LSM8: variants seen among roughly 807,000 people sequenced by gnomAD.
The protein encoded by LSM8 is LSM8 U6 small nuclear RNA associated.
LSM8 carries 14 observed loss-of-function variants against 15.0 expected under a neutral mutation model. The observed-to-expected ratio is 0.93, with a 90% CI of 0.62 to 1.46. LSM8 has a LOEUF of 1.46. Ranked by LOEUF, LSM8 falls within the 40% of genes most tolerant of loss-of-function variation. LSM8 has a pLI of 0.00. For synonymous variants in LSM8, 50 were observed against 42.1 expected (o/e 1.19, Z -0.73); for missense variants, 90 against 115.4 (o/e 0.78, Z 1.01).
chr7:118,194,021 T>A lies in LSM8; in HGVS notation c.*2019T>A, dbSNP rs1809034040. ...GAGGATGTGATGACAATATGCCAGA[T>A]AATCTATGTAATTCTTTATTCCTGG... On this transcript the variant is annotated 3_prime_UTR_variant, in exon 4 of 4. Coordinates refer to ENST00000249299, the MANE Select transcript of LSM8 (RefSeq NM_016200.5). 6.6e-6 allele frequency among the ~76,000 whole-genome samples: 1 copy of A among 152,168 alleles called. No individual in the cohort carries two copies. Among genetic ancestry groups the A allele is most frequent in the African/African-American group, 2.4e-5 (1 of 41,456 alleles).
chr7:118,199,678 G>A lies in LSM8; in HGVS notation c.*7676G>A, dbSNP rs1809139829. On this transcript the variant is annotated 3_prime_UTR_variant, in exon 4 of 4. Transcript: ENST00000249299. ...GTTACCAAATGCCAGACACTGCTAA[G>A]TGCTGGGAACTTAGATGTAACCAAA... 6.6e-6 allele frequency among the ~76,000 whole-genome samples: 1 copy of A among 152,150 alleles called. No homozygotes were observed. Among genetic ancestry groups the A allele is most frequent in the Non-Finnish European group, 1.5e-5 (1 of 68,020 alleles).
chr7:118,190,714 C>T (rs983745800), intron 3 of LSM8: 6 of 152,136 alleles, frequency 3.9e-5, no homozygotes, highest in African/African-American at 1.4e-4. Flanking sequence ...AAACTTAATT[C>T]ATTCTGCCAG....
rs1202651849 is a variant in LSM8, at chr7:118,196,401, C to T, written c.*4399C>T. On this transcript the variant is annotated 3_prime_UTR_variant, in exon 4 of 4. Transcript: ENST00000249299. The stretch of plus-strand genomic sequence containing the variant: ...AATATAATTCAAGTCAATTATTTTC[C>T]CCATCTATTTTTTTTCTTTTAAGAT... Among the ~76,000 whole-genome samples the T allele has an allele frequency of 2.4e-5, 2 of 82,344 alleles. No individual in the cohort carries two copies. Among genetic ancestry groups the T allele is most frequent in the Non-Finnish European group, 4.8e-5 (2 of 41,352 alleles). The allele number at this position is 82,344 out of a possible 152,430, so 54.0% of individuals were successfully genotyped here.
intron 3 of LSM8, 194 bp from the exon 4 acceptor site, chr7:118,191,718 T>C: frequency 2.0e-6 from 1 of 509,466 alleles, no homozygotes; most frequent in Non-Finnish European, 3.5e-6. Flanking sequence ...ATTTCTTGAG[T>C]TTTGTGACTT....
At chr7:118,190,207 A>G (rs1471508728) in intron 3 of LSM8, 1 of 152,184 alleles carries the variant, frequency 6.6e-6, no homozygotes, top group East Asian at 1.9e-4. Flanking sequence ...AAAAATCAAG[A>G]GTTTATAAAA....
chr7:118,185,750 T>G, intron 2 of LSM8, 56 bp downstream of exon 2: 1 of 1,504,296 alleles, frequency 6.6e-7, no homozygotes, highest in Non-Finnish European at 9.2e-7. Context: ...GGTTGCAAGT[T>G]TTATGTGAAA....
In LSM8 at chr7:118,195,231, A is replaced by G. The variant is rs1584709002; in HGVS notation, c.*3229A>G. Among the ~76,000 whole-genome samples, 1 of 152,304 alleles carries G rather than the reference A, an allele frequency of 6.6e-6. No homozygotes were observed. Among genetic ancestry groups the G allele is most frequent in the East Asian group, 1.9e-4 (1 of 5,186 alleles). ...GCGAAGGAAAGTGGTGGAATTATTA[A>G]AAGACCTAGCACTTACCTGCTGGGA... On this transcript the variant is annotated 3_prime_UTR_variant, in exon 4 of 4. Transcript: ENST00000249299.
Position 118,193,458 on chromosome 7 carries a change from G to A in LSM8, c.*1456G>A, listed in dbSNP as rs1459616667. Among the ~76,000 whole-genome samples the A allele has an allele frequency of 3.3e-5, 5 of 151,960 alleles. No individual in the cohort carries two copies. Among genetic ancestry groups the A allele is most frequent in the African/African-American group, 1.2e-4 (5 of 41,392 alleles). On this transcript the variant is annotated 3_prime_UTR_variant, in exon 4 of 4. Coordinates refer to ENST00000249299, the MANE Select transcript of LSM8 (RefSeq NM_016200.5). ...TATTAAACATAATAGCTTTTTGGGGGAGGAAAATATCTTCACTCAAATCAG... is the reference window on the plus strand; with the variant it reads ...TATTAAACATAATAGCTTTTTGGGGAAGGAAAATATCTTCACTCAAATCAG...
chr7:118,197,997 A>G lies in LSM8; in HGVS notation c.*5995A>G, dbSNP rs1289389191. ...TCCAAATTATTTATTGTGGCCTAGG[A>G]AAAGTACTAAGAAGTAATTGATAGC... On this transcript the variant is annotated 3_prime_UTR_variant, in exon 4 of 4. Coordinates refer to ENST00000249299, the MANE Select transcript of LSM8 (RefSeq NM_016200.5). Among the ~76,000 whole-genome samples, 1 of 152,212 alleles carries G rather than the reference A, an allele frequency of 6.6e-6. No individual in the cohort carries two copies. Among genetic ancestry groups the G allele is most frequent in the Non-Finnish European group, 1.5e-5 (1 of 68,032 alleles).
At position 118,193,468 on chromosome 7, in the gene LSM8, T is replaced by C. The variant is rs1158867920; in HGVS notation, c.*1466T>C. Among the ~76,000 whole-genome samples the C allele has an allele frequency of 6.6e-6, 1 of 152,100 alleles. No individual in the cohort carries two copies. The highest frequency in any genetic ancestry group is 1.5e-5 in the Non-Finnish European group (1 of 67,974). On this transcript the variant is annotated 3_prime_UTR_variant, in exon 4 of 4. Transcript: ENST00000249299. Reference sequence around the variant, plus strand: ...AATAGCTTTTTGGGGGAGGAAAATATCTTCACTCAAATCAGCCTTATAAGG... The same window carrying C: ...AATAGCTTTTTGGGGGAGGAAAATACCTTCACTCAAATCAGCCTTATAAGG...
rs944306931 is a variant in LSM8 at position 118,194,587 on chromosome 7, G to A, written c.*2585G>A. Among the ~76,000 whole-genome samples the A allele has an allele frequency of 3.3e-5, 5 of 152,100 alleles. No individual in the cohort carries two copies. Among genetic ancestry groups the A allele is most frequent in the Admixed American group, 2.6e-4 (4 of 15,270 alleles). The stretch of plus-strand genomic sequence containing the variant: ...CCTTCGGAATTTTTAAGGTAATAAT[G>A]TGAGATATAAGTATGATAAAAACAA... On this transcript the variant is annotated 3_prime_UTR_variant, in exon 4 of 4. Transcript: ENST00000249299.
Position 118,188,414 on chromosome 7 carries a change from A to G in LSM8, c.200+9A>G. On this transcript the variant is annotated intron_variant, in intron 3 of 3. Transcript: ENST00000249299. ...GTAAGAGGTGACAACGTGTAAGTAAAATATATCTGTTAAAATTATAAATGA... is the reference window on the plus strand; with the variant it reads ...GTAAGAGGTGACAACGTGTAAGTAAGATATATCTGTTAAAATTATAAATGA... 1 of 1,604,224 alleles carries G rather than the reference A, an allele frequency of 6.2e-7. No homozygotes were observed. Among genetic ancestry groups the G allele is most frequent in the Non-Finnish European group, 8.5e-7 (1 of 1,174,802 alleles).
In LSM8 at chr7:118,195,109, A is replaced by G. The variant is rs563237955; in HGVS notation, c.*3107A>G. Reference sequence around the variant, plus strand: ...CAAACCTGCATTGTGGGCCGTTTTCATTACAATTACCTAAGGTGCTTTAAA... The same window carrying G: ...CAAACCTGCATTGTGGGCCGTTTTCGTTACAATTACCTAAGGTGCTTTAAA... On this transcript the variant is annotated 3_prime_UTR_variant, in exon 4 of 4. Coordinates refer to ENST00000249299, the MANE Select transcript of LSM8 (RefSeq NM_016200.5). 6.6e-6 allele frequency among the ~76,000 whole-genome samples: 1 copy of G among 152,312 alleles called. No individual in the cohort carries two copies. Among genetic ancestry groups the G allele is most frequent in the Non-Finnish European group, 1.5e-5 (1 of 68,020 alleles).
In LSM8 at chr7:118,199,849, A is replaced by G. The variant is rs1809143152; in HGVS notation, c.*7847A>G. ...ATAGGAGAGACATCTAAAGTTTAAT[A>G]GCAACACTAGGCTGGACTGAGTGGT... On this transcript the variant is annotated 3_prime_UTR_variant, in exon 4 of 4. Coordinates refer to ENST00000249299, the MANE Select transcript of LSM8 (RefSeq NM_016200.5). 6.6e-6 allele frequency among the ~76,000 whole-genome samples: 1 copy of G among 152,176 alleles called. No homozygotes were observed. The highest frequency in any genetic ancestry group is 2.4e-5 in the African/African-American group (1 of 41,456).
rs1402977102 is a variant in LSM8, at chr7:118,198,807, CTT to C, written c.*6806_*6807del. ...TTCACCAGTTCCTGGAAGAAAATCT[CTT>C]GAGTCCTTGGGATGTCTTACCTGTT... On this transcript the variant is annotated 3_prime_UTR_variant, in exon 4 of 4. Coordinates refer to ENST00000249299, the MANE Select transcript of LSM8 (RefSeq NM_016200.5). Among the ~76,000 whole-genome samples the C allele has an allele frequency of 6.6e-6, 1 of 152,188 alleles. No individual in the cohort carries two copies.
In LSM8 at chr7:118,191,962, G is replaced by T; in HGVS notation, c.251G>T (p.Gly84Val). 1 of 1,612,884 alleles carries T rather than the reference G, an allele frequency of 6.2e-7. No homozygotes were observed. Among genetic ancestry groups the T allele is most frequent in the Non-Finnish European group, 8.5e-7 (1 of 1,179,366 alleles). Residue 84 changes from glycine (G) to valine (V), a missense_variant, in exon 4 of 4, where the codon GGG (glycine) becomes GTG (valine). By Grantham distance (109) the Gly-to-Val change is moderately radical. Transcript: ENST00000249299. ...GAAACAGATTCTGCGCTTGATTTGG[G>T]GAATATTCGAGCAGAACCTTTAAAT... is the stretch of plus-strand genomic sequence containing the variant. ...DEETDSALDL[G>V]NIRAEPLNSV...
chr7:118,192,253 T>C lies in LSM8; in HGVS notation c.*251T>C. On this transcript the variant is annotated 3_prime_UTR_variant, in exon 4 of 4. Transcript: ENST00000249299. The stretch of plus-strand genomic sequence containing the variant: ...AAATATAATGGGCATTTTGAAAACT[T>C]TTAGAAAAAAGTAGTACTTTTTGAT... 1 of 301,898 alleles carries C rather than the reference T, an allele frequency of 3.3e-6. No individual in the cohort carries two copies. Among genetic ancestry groups the C allele is most frequent in the African/African-American group, 2.2e-5 (1 of 45,706 alleles). 18.7% of individuals were successfully genotyped at this position (301,898 alleles called of 1,614,324 possible).
chr7:118,184,167 T>C lies in LSM8; in HGVS notation c.-57T>C, dbSNP rs774249141. ...CGCTGCCGGGTTCTGGCGCGCCCTT[T>C]CAGTTCTGCTTGCTGTCGGCACCGC... On this transcript the variant is annotated 5_prime_UTR_variant, in exon 1 of 4. Coordinates refer to ENST00000249299, the MANE Select transcript of LSM8 (RefSeq NM_016200.5). 1.4e-4 allele frequency: 222 copies of C among 1,543,438 alleles called. No individual in the cohort carries two copies. Among genetic ancestry groups the C allele is most frequent in the Non-Finnish European group, 1.9e-4 (212 of 1,143,496 alleles).
rs1808995253 is a variant in LSM8, at chr7:118,192,233, T to C, written c.*231T>C. 1 of 342,922 alleles carries C rather than the reference T, an allele frequency of 2.9e-6. No homozygotes were observed. Among genetic ancestry groups the C allele is most frequent in the Non-Finnish European group, 5.2e-6 (1 of 190,486 alleles). 21.2% of individuals were successfully genotyped at this position (342,922 alleles called of 1,614,324 possible). On this transcript the variant is annotated 3_prime_UTR_variant, in exon 4 of 4. Transcript: ENST00000249299. ...TTTTTTATTAAATAGTGTGAAAATA[T>C]AATGGGCATTTTGAAAACTTTTAGA...
Sources: allele counts gnomAD v4.1 joint callset (sites outside exome capture counted in the v4.1 genomes callset), GRCh38; gene constraint gnomAD v4.1.1; transcripts MANE v1.5; gene names NCBI Gene and HGNC (gene_info 2026-07-23, HGNC 2026-07-21).